GYPE: variants seen among roughly 807,000 people sequenced by gnomAD.
The protein encoded by GYPE is glycophorin E (MNS blood group).
Under a neutral mutation model 11.6 loss-of-function variants are expected in GYPE, and 8 were observed. The observed-to-expected ratio is 0.69, with a 90% confidence interval of 0.41 to 1.25. GYPE has a LOEUF of 1.25. Ranked by LOEUF, GYPE falls within the 50% of genes most tolerant of loss-of-function variation. The probability of loss-of-function intolerance (pLI) is 0.01; values close to 1 mark genes in which losing one functional copy is unlikely to be tolerated. For missense variants in GYPE, 90 were observed against 92.8 expected, an observed-to-expected ratio of 0.97 and a Z score of 0.12; for synonymous variants, 28 against 29.6, an observed-to-expected ratio of 0.94 and a Z score of 0.18.
chr4:143,888,153 G>T, intron 1 of GYPE, among the ~76,000 whole-genome samples: 1 of 95,722 alleles, frequency 1.0e-5, no homozygotes, highest in Non-Finnish European at 2.1e-5. Context: ...GAAATAGCCA[G>T]CCTCCTAGCT....
intron 1 of GYPE, among the ~76,000 whole-genome samples, chr4:143,898,119 G>A (rs1405029309): frequency 2.0e-5 from 3 of 152,220 alleles, no homozygotes; most frequent in Non-Finnish European, 2.9e-5. Flanking sequence ...GCTCATGCCT[G>A]TAATCCCAAC....
At chr4:143,872,691 A>C (rs767579485) in intron 3 of GYPE, among the ~76,000 whole-genome samples, 8 of 152,158 alleles carry the variant, frequency 5.3e-5, no homozygotes, top group Non-Finnish European at 1.2e-4. Context: ...GCAGATAAAA[A>C]ATACAGTCAT....
intron 1 of GYPE, among the ~76,000 whole-genome samples, chr4:143,891,780 T>C (rs1441900331): frequency 6.6e-6 from 1 of 152,138 alleles, no homozygotes; most frequent in East Asian, 1.9e-4. Flanking sequence ...CAATCAACAG[T>C]GCTACAGAGA....
intron 1 of GYPE, among the ~76,000 whole-genome samples, chr4:143,896,363 T>C (rs1744636670): frequency 6.6e-6 from 1 of 152,204 alleles, no homozygotes; most frequent in South Asian, 2.1e-4. Context: ...GAACAGATAC[T>C]TCTCAAAAGA....
intron 1 of GYPE, among the ~76,000 whole-genome samples, chr4:143,885,385 A>C (rs1214256477): frequency 1.3e-5 from 2 of 152,192 alleles, no homozygotes; most frequent in Non-Finnish European, 2.9e-5. Context: ...TTATCAAAAC[A>C]ATTTTAACAC....
chr4:143,896,850 C>A (rs6812817), intron 1 of GYPE, among the ~76,000 whole-genome samples: 14 of 152,066 alleles, frequency 9.2e-5, no homozygotes, highest in African/African-American at 2.4e-4. Flanking sequence ...AGTTCATGTC[C>A]TTTGTAGGGA....
chr4:143,891,421 C>T (rs1207648383), intron 1 of GYPE, among the ~76,000 whole-genome samples: 7 of 150,474 alleles, frequency 4.7e-5, no homozygotes, highest in African/African-American at 7.4e-5. Flanking sequence ...CTCCGCCTCC[C>T]GGGTTCACTC....
intron 1 of GYPE, among the ~76,000 whole-genome samples, chr4:143,893,104 T>C (rs367898659): frequency 9.4e-5 from 2 of 21,296 alleles, no homozygotes; most frequent in African/African-American, 1.2e-4. Flanking sequence ...TGGTTTAAAG[T>C]CTGTTTTATC....
At chr4:143,896,784 T>G (rs570587987) in intron 1 of GYPE, among the ~76,000 whole-genome samples, 1 of 152,240 alleles carries the variant, frequency 6.6e-6, no homozygotes, top group Non-Finnish European at 1.5e-5. Flanking sequence ...TAGACTGGAT[T>G]AAGAAAATGT....
chr4:143,901,884 C>A (rs13121830), intron 1 of GYPE, among the ~76,000 whole-genome samples: 4 of 151,842 alleles, frequency 2.6e-5, no homozygotes, highest in Non-Finnish European at 5.9e-5. Flanking sequence ...CTATTCAGAC[C>A]TTTTCTGCAA....
intron 1 of GYPE, among the ~76,000 whole-genome samples, chr4:143,895,916 C>A (rs1287592781): frequency 1.3e-5 from 2 of 151,956 alleles, no homozygotes; most frequent in Non-Finnish European, 2.9e-5. Flanking sequence ...AAAGGATTCC[C>A]TATTTAATAA....
intron 1 of GYPE, among the ~76,000 whole-genome samples, chr4:143,896,725 C>G (rs1402479501): frequency 5.9e-5 from 9 of 152,120 alleles, no homozygotes; most frequent in Non-Finnish European, 1.2e-4. Flanking sequence ...TATTGCGGCA[C>G]TATTCACAAT....
chr4:143,903,926 T>C (rs546235685), intron 1 of GYPE, among the ~76,000 whole-genome samples: 7 of 152,292 alleles, frequency 4.6e-5, no homozygotes, highest in Admixed American at 2.6e-4. Flanking sequence ...TCTAATTTTG[T>C]TTGAGTTACA....
chr4:143,878,815 C>G (rs889073076), intron 2 of GYPE: 4 of 366,998 alleles, frequency 1.1e-5, no homozygotes, highest in African/African-American at 8.8e-5. Context: ...CAACATCTAG[C>G]TAGTAAAATT....
chr4:143,894,746 A>C (rs1369174979), intron 1 of GYPE, among the ~76,000 whole-genome samples: 4 of 152,148 alleles, frequency 2.6e-5, no homozygotes, highest in African/African-American at 9.7e-5. Context: ...ATTGATGCAA[A>C]AATCCTCAAT....
intron 3 of GYPE, among the ~76,000 whole-genome samples, chr4:143,874,093 T>C (rs549948928): frequency 1.1e-4 from 16 of 152,220 alleles, no homozygotes; most frequent in African/African-American, 3.4e-4. Flanking sequence ...TGTTGCTATA[T>C]GTATATATGT....
chr4:143,905,223 CTAGACT>C (rs1230868757), intron 1 of GYPE, among the ~76,000 whole-genome samples: 2 of 152,130 alleles, frequency 1.3e-5, no homozygotes, highest in Non-Finnish European at 2.9e-5. Flanking sequence ...TTAATTCTAG[CTAGACT>C]TAGAATTGAA....
intron 1 of GYPE, among the ~76,000 whole-genome samples, chr4:143,893,099 TAA>T (rs1469941177): frequency 4.6e-5 from 1 of 21,782 alleles, no homozygotes; most frequent in East Asian, 4.1e-3. Context: ...TTTGTTGGTT[TAA>T]AGTCTGTTTT....
chr4:143,874,741 G>A lies in GYPE; in HGVS notation c.*9+2005C>T, dbSNP rs578245773. Among the ~76,000 whole-genome samples the A allele has an allele frequency of 2.2e-4, 33 of 152,278 alleles. No individual in the cohort carries two copies. The South Asian group carries it at 6.4e-3, about 30-fold the overall frequency. On this transcript the variant is annotated intron_variant, in intron 3 of 3. Transcript: ENST00000358615. ...TAGTTCAACCTGTCCTTTCTGAGGT[G>A]TGGGCATCCTGGAGTCCCTCAGAGA...
Sources: allele counts gnomAD v4.1 joint callset (sites outside exome capture counted in the v4.1 genomes callset), GRCh38; gene constraint gnomAD v4.1.1; transcripts MANE v1.5; gene names NCBI Gene and HGNC (gene_info 2026-07-23, HGNC 2026-07-21).